SLC22A2: variants seen among roughly 807,000 people sequenced by gnomAD.
SLC22A2 encodes the protein solute carrier family 22 member 2, also known as organic cation transporter 2.
Under a neutral mutation model 60.5 loss-of-function variants are expected in SLC22A2, and 46 were observed. The observed-to-expected ratio is 0.76, with a 90% confidence interval of 0.60 to 0.97. The LOEUF (loss-of-function observed/expected upper bound fraction) is 0.97, where lower values mean the gene tolerates loss of function less well. SLC22A2 is among the 50% of genes least tolerant of loss of function. The probability of loss-of-function intolerance (pLI) is 0.00; values close to 1 mark genes in which losing one functional copy is unlikely to be tolerated. For synonymous variants in SLC22A2, 303 were observed against 267.0 expected, an observed-to-expected ratio of 1.13 and a Z score of -1.31; for missense variants, 701 against 706.6, an observed-to-expected ratio of 0.99 and a Z score of 0.09.
chr6:160,234,124 C>T (rs1209301188), intron 9 of SLC22A2, among the ~76,000 whole-genome samples: 1 of 151,848 alleles, frequency 6.6e-6, no homozygotes, highest in Non-Finnish European at 1.5e-5. Flanking sequence ...CACATTGTGA[C>T]CCCCGCCCCT....
intron 2 of SLC22A2, among the ~76,000 whole-genome samples, chr6:160,256,339 T>G (rs1395502120): frequency 6.6e-6 from 1 of 152,176 alleles, no homozygotes; most frequent in African/African-American, 2.4e-5. Flanking sequence ...TACTCTCCCT[T>G]CCGACTTGAA....
At chr6:160,222,013 T>C (rs1364712432) in intron 10 of SLC22A2, among the ~76,000 whole-genome samples, 1 of 152,100 alleles carries the variant, frequency 6.6e-6, no homozygotes, top group Non-Finnish European at 1.5e-5. Context: ...AAAAACACAA[T>C]ATCTGCAAAG....
intron 7 of SLC22A2, 50 bp from the exon 8 acceptor site, chr6:160,242,452 TTCAGACA>T: frequency 9.7e-6 from 10 of 1,035,886 alleles, no homozygotes; most frequent in Non-Finnish European, 1.2e-5. Context: ...ATTCCTCATC[TTCAGACA>T]GTGCTCCAGA....
At position 160,247,679 on chromosome 6, in the gene SLC22A2, T is replaced by G. The variant is rs181573223; in HGVS notation, c.843-381A>C. On this transcript the variant is annotated intron_variant, in intron 4 of 10. Coordinates refer to ENST00000366953, the MANE Select transcript of SLC22A2 (RefSeq NM_003058.4). Reference sequence around the variant, plus strand: ...GGGGAGCAAGTATGTATATGTGTTATGCTCAATTTCCCAAAGGAATGAGAT... The same window carrying G: ...GGGGAGCAAGTATGTATATGTGTTAGGCTCAATTTCCCAAAGGAATGAGAT... Among the ~76,000 whole-genome samples the G allele has an allele frequency of 2.0e-5, 3 of 152,326 alleles. No individual in the cohort carries two copies. In the East Asian group the frequency reaches 5.8e-4, roughly 29 times the overall value.
chr6:160,250,701 A>G lies in SLC22A2; in HGVS notation c.520T>C (p.Phe174Leu), dbSNP rs1783169867. The G allele has an allele frequency of 2.5e-6, 4 of 1,613,282 alleles. No individual in the cohort carries two copies. The highest frequency in any genetic ancestry group is 3.4e-6 in the Non-Finnish European group (4 of 1,179,498). ...SMSIGYIADR[F>L]GRKLCLLTTV... ...GTTAGGAGGCAGAGCTTACGGCCAA[A>G]CCTGCAGGAAGAAAAACAAAGAGAG... Residue 174 changes from phenylalanine (F) to leucine (L), a missense_variant and splice_region_variant, in exon 3 of 11, where the codon TTT (phenylalanine) becomes CTT (leucine). Coordinates refer to ENST00000366953, the MANE Select transcript of SLC22A2 (RefSeq NM_003058.4).
At chr6:160,241,944 T>C (rs202135506) in intron 8 of SLC22A2, among the ~76,000 whole-genome samples, 1 of 17,366 alleles carries the variant, frequency 5.8e-5, no homozygotes, top group African/African-American at 8.1e-5. Context: ...AAACCTTAAA[T>C]TTTTTTTTAA....
rs1300939019 is a variant in SLC22A2, at chr6:160,243,730, T to C, written c.1121A>G (p.Asp374Gly). 6 of 1,613,762 alleles carry C rather than the reference T, an allele frequency of 3.7e-6. No homozygotes were observed. Among genetic ancestry groups the C allele is most frequent in the African/African-American group, 1.3e-5 (1 of 74,876 alleles). Reference sequence around the variant, plus strand: ...GTAGAAGAAATCCAGGTAGATATTGTCACCTGCAAGGCCCATGTGCATGAT... The same window carrying C: ...GTAGAAGAAATCCAGGTAGATATTGCCACCTGCAAGGCCCATGTGCATGAT... ...GLIMHMGLAGDNIYLDFFYSA... is the reference protein window; with the variant it reads ...GLIMHMGLAGGNIYLDFFYSA... The change falls in exon 7 of 11, where the codon GAC (aspartate) becomes GGC (glycine). Residue 374 changes from aspartate (D) to glycine (G), a missense_variant. Asp to Gly is a moderately conservative substitution (Grantham distance 94). Coordinates refer to ENST00000366953, the MANE Select transcript of SLC22A2 (RefSeq NM_003058.4).
chr6:160,257,460 G>A (rs1427485235), intron 1 of SLC22A2, among the ~76,000 whole-genome samples: 1 of 152,018 alleles, frequency 6.6e-6, no homozygotes, highest in African/African-American at 2.4e-5. Flanking sequence ...TCTCTGCTTG[G>A]GGCCTCAGTT....
At chr6:160,225,384 T>A (rs1290072146) in intron 9 of SLC22A2, among the ~76,000 whole-genome samples, 1 of 152,224 alleles carries the variant, frequency 6.6e-6, no homozygotes. Context: ...AAAGTTTTGA[T>A]CTTTTAAAGT....
chr6:160,224,813 C>A lies in SLC22A2; in HGVS notation c.1502-9G>T. On this transcript the variant is annotated splice_polypyrimidine_tract_variant and intron_variant, in intron 9 of 10. Transcript: ENST00000366953. ...AACCAAGCCAAGCACGCCTGAAAGC[C>A]AAACAGATGAATATCACATTAAGAA... 2 of 1,506,172 alleles carry A rather than the reference C, an allele frequency of 1.3e-6. No individual in the cohort carries two copies. The highest frequency in any genetic ancestry group is 1.3e-5 in the South Asian group (1 of 79,332). The allele number at this position is 1,506,172 out of a possible 1,614,324, so 93.3% of individuals were successfully genotyped here.
rs896384198 is a variant in SLC22A2 at position 160,250,784 on chromosome 6, A to G, written c.519-82T>C. The G allele has an allele frequency of 3.5e-6, 5 of 1,416,608 alleles. No homozygotes were observed. The African/African-American group carries it at 5.7e-5, about 16-fold the overall frequency. 87.8% of individuals were successfully genotyped at this position (1,416,608 alleles called of 1,614,324 possible). On this transcript the variant is annotated intron_variant, in intron 2 of 10. Transcript: ENST00000366953. ...TGGAAAATGCATGGAAGTTATGGAA[A>G]TCTAAACAAAGTTAGAGGTTAACTT...
At chr6:160,222,140 G>A (rs1019991327) in intron 10 of SLC22A2, among the ~76,000 whole-genome samples, 1 of 152,192 alleles carries the variant, frequency 6.6e-6, no homozygotes, top group Non-Finnish European at 1.5e-5. Flanking sequence ...AGGAAAACAG[G>A]CTTAAGAAGT....
At chr6:160,235,544 G>A in intron 9 of SLC22A2, among the ~76,000 whole-genome samples, 2 of 9,304 alleles carry the variant, frequency 2.1e-4, no homozygotes, top group Non-Finnish European at 5.7e-4. Flanking sequence ...TAAAGCTGAA[G>A]GTTTCAACAA....
intron 9 of SLC22A2, among the ~76,000 whole-genome samples, chr6:160,225,289 T>C (rs1782705484): frequency 6.6e-6 from 1 of 152,216 alleles, no homozygotes; most frequent in Admixed American, 6.5e-5. Flanking sequence ...TTCATTAAAT[T>C]CCCGTTATTC....
chr6:160,223,698 A>C (rs1297905720), intron 10 of SLC22A2, among the ~76,000 whole-genome samples: 1 of 152,154 alleles, frequency 6.6e-6, no homozygotes, highest in Non-Finnish European at 1.5e-5. Context: ...ACTAGGTTAA[A>C]GGATATACAT....
At chr6:160,236,839 A>AC (rs34072523) in intron 9 of SLC22A2, among the ~76,000 whole-genome samples, 106,116 of 151,982 alleles carry the variant, frequency 0.7, 38,900 homozygotes, top group Admixed American at 0.82. Flanking sequence ...ATTAGAGGGT[A>AC]CAAACCCATG....
intron 2 of SLC22A2, 77 bp from the exon 3 acceptor site, chr6:160,250,779 T>C: frequency 6.9e-7 from 1 of 1,458,470 alleles, no homozygotes; most frequent in Non-Finnish European, 9.5e-7. Context: ...ATGGAAGTTA[T>C]GGAAATCTAA....
intron 9 of SLC22A2, among the ~76,000 whole-genome samples, chr6:160,240,316 A>C (rs1469703570): frequency 6.6e-6 from 1 of 152,202 alleles, no homozygotes; most frequent in Non-Finnish European, 1.5e-5. Flanking sequence ...AGAAAATGGG[A>C]GTAAAGAAAA....
chr6:160,245,405 T>C (rs374115966), intron 6 of SLC22A2, 34 bp downstream of exon 6: 33 of 1,198,936 alleles, frequency 2.8e-5, no homozygotes, highest in Non-Finnish European at 3.6e-5. Flanking sequence ...TTAAAACAAT[T>C]TGGAGGCATT....
Sources: allele counts gnomAD v4.1 joint callset (sites outside exome capture counted in the v4.1 genomes callset), GRCh38; gene constraint gnomAD v4.1.1; transcripts MANE v1.5; gene names NCBI Gene and HGNC (gene_info 2026-07-23, HGNC 2026-07-21).